ACOX2: variants seen among roughly 807,000 people sequenced by gnomAD.
ACOX2 encodes acyl-CoA oxidase 2, also known as peroxisomal acyl-coenzyme A oxidase 2.
ACOX2 carries 59 observed loss-of-function variants against 77.5 expected under a neutral mutation model. The ratio of observed to expected loss-of-function variants is 0.76; its 90% confidence interval spans 0.62 to 0.95. ACOX2 has a LOEUF of 0.95. Among genes scored for constraint, ACOX2 ranks in the 40% least tolerant of loss-of-function variants. ACOX2 has a pLI of 0.00. For missense variants in ACOX2, 837 were observed against 880.4 expected (o/e 0.95, Z 0.62); for synonymous variants, 317 against 340.1 (o/e 0.93, Z 0.75).
chr3:58,526,673 G>A lies in ACOX2; in HGVS notation c.1156-17C>T, dbSNP rs370154949. ...TGCGTGGAGCTGTGAGAACATGGAGGGGGGTTGGGCGGTGTTAGGGGGCCT... is the reference window on the plus strand; with the variant it reads ...TGCGTGGAGCTGTGAGAACATGGAGAGGGGTTGGGCGGTGTTAGGGGGCCT... On this transcript the variant is annotated splice_polypyrimidine_tract_variant and intron_variant, in intron 9 of 14. Transcript: ENST00000302819. This position sits in a 1 kb window ranked among gnomAD's most constrained non-coding sequence, Gnocchi z 4.3. 5.5e-5 allele frequency: 88 copies of A among 1,611,136 alleles called. No individual in the cohort carries two copies. In the African/African-American group the frequency reaches 1.1e-3, roughly 21 times the overall value.
chr3:58,533,664 C>T lies in ACOX2; in HGVS notation c.476-112G>A. ...GCATCAGCGCAGTATGGAGTGGGGC[C>T]CAGCTCCCAGCTGTACTTGCAGGCA... On this transcript the variant is annotated intron_variant, in intron 4 of 14. Coordinates refer to ENST00000302819, the MANE Select transcript of ACOX2 (RefSeq NM_003500.4). This position sits in a 1 kb window ranked among gnomAD's most constrained non-coding sequence, Gnocchi z 5.6. The T allele has an allele frequency of 1.1e-6, 1 of 911,702 alleles. No homozygotes were observed. The highest frequency in any genetic ancestry group is 2.5e-5 in the East Asian group (1 of 39,544). The allele number at this position is 911,702 out of a possible 1,614,324, so 56.5% of individuals were successfully genotyped here.
At chr3:58,508,017 T>C (rs1207812931) in intron 14 of ACOX2, among the ~76,000 whole-genome samples, 2 of 152,224 alleles carry the variant, frequency 1.3e-5, no homozygotes, top group African/African-American at 4.8e-5. Flanking sequence ...ATTTGCACTA[T>C]AAAATTTAAA....
chr3:58,511,788 T>A (rs1303578874), intron 13 of ACOX2: 1 of 152,366 alleles, frequency 6.6e-6, no homozygotes, highest in Non-Finnish European at 1.5e-5. Flanking sequence ...TCACCTTGGC[T>A]CCCGTTTAGG....
intron 13 of ACOX2, chr3:58,511,450 A>T: frequency 4.3e-6 from 1 of 233,182 alleles, no homozygotes; most frequent in Non-Finnish European, 8.8e-6. Context: ...GCTGGAATTG[A>T]CTGCTATCCT....
In ACOX2 at chr3:58,535,309, C is replaced by T. The variant is rs528476171; in HGVS notation, c.-91-112G>A. The T allele has an allele frequency of 1.6e-6, 1 of 622,194 alleles. No homozygotes were observed. The highest frequency in any genetic ancestry group is 1.8e-5 in the African/African-American group (1 of 54,616). The allele number at this position is 622,194 out of a possible 1,614,324, so 38.5% of individuals were successfully genotyped here. Reference sequence around the variant, plus strand: ...TCCACCTCCCCACTCCCCCTGTGGACACTGGCTGTGGACCAGGCACTGTGT... The same window carrying T: ...TCCACCTCCCCACTCCCCCTGTGGATACTGGCTGTGGACCAGGCACTGTGT... On this transcript the variant is annotated intron_variant, in intron 1 of 14. Transcript: ENST00000302819. This position sits in a 1 kb window ranked among gnomAD's most constrained non-coding sequence, Gnocchi z 4.8.
rs1577000699 is a variant in ACOX2 at position 58,531,621 on chromosome 3, G to C, written c.703+72C>G. The C allele has an allele frequency of 6.4e-7, 1 of 1,573,238 alleles. No homozygotes were observed. Among genetic ancestry groups the C allele is most frequent in the East Asian group, 2.2e-5 (1 of 44,624 alleles). On this transcript the variant is annotated intron_variant, in intron 6 of 14. Coordinates refer to ENST00000302819, the MANE Select transcript of ACOX2 (RefSeq NM_003500.4). The surrounding 1 kb of genome is among the most constrained non-coding windows in gnomAD (Gnocchi z 5.8). ...TCTTAGCTACTCCTGTGGCCCTCTGGGGCCCCAGGTCAGGGAGGCCACCTG... is the reference window on the plus strand; with the variant it reads ...TCTTAGCTACTCCTGTGGCCCTCTGCGGCCCCAGGTCAGGGAGGCCACCTG...
rs573413825 is a variant in ACOX2, at chr3:58,522,563, G to A, written c.1565C>T (p.Thr522Met). 26 of 1,614,190 alleles carry A rather than the reference G, an allele frequency of 1.6e-5. No homozygotes were observed. Among genetic ancestry groups the A allele is most frequent in the East Asian group, 1.3e-4 (6 of 44,888 alleles). The change falls in exon 12 of 15, where the codon ACG becomes ATG. Residue 522 changes from threonine (T) to methionine (M), a missense_variant. Physicochemically the swap from Thr to Met is moderately conservative, Grantham distance 81. Coordinates refer to ENST00000302819, the MANE Select transcript of ACOX2 (RefSeq NM_003500.4). The surrounding 1 kb of genome is among the most constrained non-coding windows in gnomAD (Gnocchi z 4.3). ...CTCGTGCTGGTCAGCTCCGGATTGC[G>A]TCAGGGTCTGTAAATGCTGCACTGA... Reference protein sequence around the residue: ...KDSVQHLQTLTQSGADQHEAW... With the variant: ...KDSVQHLQTLMQSGADQHEAW...
chr3:58,524,705 G>T lies in ACOX2; in HGVS notation c.1347-100C>A. The T allele has an allele frequency of 7.5e-7, 1 of 1,326,846 alleles. No homozygotes were observed. Among genetic ancestry groups the T allele is most frequent in the African/African-American group, 1.5e-5 (1 of 68,920 alleles). 82.2% of individuals were successfully genotyped at this position (1,326,846 alleles called of 1,614,324 possible). On this transcript the variant is annotated intron_variant, in intron 10 of 14. Transcript: ENST00000302819. This position sits in a 1 kb window ranked among gnomAD's most constrained non-coding sequence, Gnocchi z 5.5. ...ACAGGCAAGCTCATGCTAGGTTCCAGCCTTCCCGTGGGAGAGCCAGGTCAC... is the reference window on the plus strand; with the variant it reads ...ACAGGCAAGCTCATGCTAGGTTCCATCCTTCCCGTGGGAGAGCCAGGTCAC...
rs1040964498 is a variant in ACOX2, at chr3:58,522,372, A to T, written c.1632+124T>A. On this transcript the variant is annotated intron_variant, in intron 12 of 14. Coordinates refer to ENST00000302819, the MANE Select transcript of ACOX2 (RefSeq NM_003500.4). The surrounding 1 kb of genome is among the most constrained non-coding windows in gnomAD (Gnocchi z 4.3). ...ACCCTGGACTAAAGCCTTGGAAGTG[A>T]AATGAGGGCAGCCGCCACTGAAGCA... The T allele has an allele frequency of 1.1e-6, 1 of 874,938 alleles. No individual in the cohort carries two copies. The highest frequency in any genetic ancestry group is 2.4e-5 in the Admixed American group (1 of 41,998). 54.2% of individuals were successfully genotyped at this position (874,938 alleles called of 1,614,324 possible).
intron 13 of ACOX2, among the ~76,000 whole-genome samples, chr3:58,509,254 G>A (rs762782621): frequency 2.0e-5 from 3 of 152,118 alleles, no homozygotes; most frequent in East Asian, 3.9e-4. Flanking sequence ...CCGGCCATGC[G>A]TGGTGGCTCA....
rs529670764 is a variant in ACOX2 at position 58,524,770 on chromosome 3, G to C, written c.1347-165C>G. On this transcript the variant is annotated intron_variant, in intron 10 of 14. Coordinates refer to ENST00000302819, the MANE Select transcript of ACOX2 (RefSeq NM_003500.4). The surrounding 1 kb of genome is among the most constrained non-coding windows in gnomAD (Gnocchi z 5.5). ...GCCTCCCTCCTGAGGGTTCCCCCTC[G>C]GGCCGTCCTGCCTCGAGGCCCTCAG... 2.0e-5 allele frequency among the ~76,000 whole-genome samples: 3 copies of C among 152,302 alleles called. No individual in the cohort carries two copies. The highest frequency in any genetic ancestry group is 2.1e-4 in the South Asian group (1 of 4,820).
intron 13 of ACOX2, among the ~76,000 whole-genome samples, chr3:58,509,630 T>TGG (rs1480043871): frequency 1.6e-5 from 2 of 125,674 alleles, no homozygotes; most frequent in Admixed American, 8.1e-5. Flanking sequence ...TTTTTTTTGA[T>TGG]ACAGAGTCTC....
intron 14 of ACOX2, among the ~76,000 whole-genome samples, chr3:58,506,260 A>G (rs1398947031): frequency 6.6e-6 from 1 of 152,210 alleles, no homozygotes; most frequent in African/African-American, 2.4e-5. Flanking sequence ...ATAATTGGGG[A>G]AAAACAGGAT....
chr3:58,531,504 G>A lies in ACOX2; in HGVS notation c.704-138C>T. The A allele has an allele frequency of 8.1e-7, 1 of 1,229,506 alleles. No individual in the cohort carries two copies. 76.2% of individuals were successfully genotyped at this position (1,229,506 alleles called of 1,614,324 possible). ...CCTATTTTGCAGGTGAACAAGCTGA[G>A]GTCAGAAAGATGCTAAATCTTGCTC... is the stretch of plus-strand genomic sequence containing the variant. On this transcript the variant is annotated intron_variant, in intron 6 of 14. Coordinates refer to ENST00000302819, the MANE Select transcript of ACOX2 (RefSeq NM_003500.4). The surrounding 1 kb of genome is among the most constrained non-coding windows in gnomAD (Gnocchi z 5.8).
At position 58,508,896 on chromosome 3, in the gene ACOX2, A is replaced by G; in HGVS notation, c.1980T>C (p.Thr660=). 6.2e-7 allele frequency: 1 copy of G among 1,614,100 alleles called. No individual in the cohort carries two copies. The highest frequency in any genetic ancestry group is 8.5e-7 in the Non-Finnish European group (1 of 1,179,990). ...ATAATGTGTTCCACTCAACTACCTG[A>G]GTATTGGTTGGTGACTTCTGAGCCC... ...FQWAQKSPTN[T]QENPAYEEYI... The change falls in exon 14 of 15, where the codon ACT becomes ACC. Residue 660 remains threonine (T), a synonymous_variant. Coordinates refer to ENST00000302819, the MANE Select transcript of ACOX2 (RefSeq NM_003500.4).
chr3:58,510,705 T>C (rs1489123969), intron 13 of ACOX2, among the ~76,000 whole-genome samples: 48 of 3,912 alleles, frequency 0.012, no homozygotes, highest in Admixed American at 0.019. Flanking sequence ...TATATATATA[T>C]ATATACACAC....
rs555783879 is a variant in ACOX2, at chr3:58,524,659, C to A, written c.1347-54G>T. On this transcript the variant is annotated intron_variant, in intron 10 of 14. Transcript: ENST00000302819. The surrounding 1 kb of genome is among the most constrained non-coding windows in gnomAD (Gnocchi z 5.5). ...AGGGCAGAGACTCTGTGAGACAGCC[C>A]AGCACCCCTCACTCCCAGAGACAGG... 32 of 1,550,196 alleles carry A rather than the reference C, an allele frequency of 2.1e-5. No homozygotes were observed. The highest frequency in any genetic ancestry group is 3.4e-5 in the Admixed American group (2 of 58,162).
chr3:58,511,240 C>G (rs1249681785), intron 13 of ACOX2: 1 of 323,706 alleles, frequency 3.1e-6, no homozygotes, highest in Non-Finnish European at 6.1e-6. Context: ...CAAAATTCCC[C>G]TCAGGGGTAA....
At position 58,531,270 on chromosome 3, in the gene ACOX2, A is replaced by G. The variant is rs774042508; in HGVS notation, c.800T>C (p.Met267Thr). 9.3e-6 allele frequency: 15 copies of G among 1,612,882 alleles called. No individual in the cohort carries two copies. The highest frequency in any genetic ancestry group is 4.4e-5 in the South Asian group (4 of 91,028). ...TGTAACCTGTGCAAAGCGACTCAGC[A>G]TGTTCTCCCTGGGGACCCGCACATG... is the stretch of plus-strand genomic sequence containing the variant. The part of the protein sequence containing the change: ...LNHVRVPREN[M>T]LSRFAQVLPD... The change falls in exon 7 of 15, where the codon ATG (methionine) becomes ACG (threonine). Residue 267 changes from methionine (M) to threonine (T), a missense_variant. Transcript: ENST00000302819. This position sits in a 1 kb window ranked among gnomAD's most constrained non-coding sequence, Gnocchi z 5.8.
Sources: allele counts gnomAD v4.1 joint callset (sites outside exome capture counted in the v4.1 genomes callset), GRCh38; gene constraint gnomAD v4.1.1; non-coding constraint Gnocchi (gnomAD v3.1); transcripts MANE v1.5; gene names NCBI Gene and HGNC (gene_info 2026-07-23, HGNC 2026-07-21).